Variants in VPS13D observed in about 807,000 individuals in gnomAD.
VPS13D encodes intermembrane lipid transfer protein VPS13D.
Under a neutral mutation model 461.9 loss-of-function variants are expected in VPS13D, and 187 were observed. The ratio of observed to expected loss-of-function variants is 0.40; its 90% CI spans 0.36 to 0.46. The LOEUF (loss-of-function observed/expected upper bound fraction) is 0.46, where lower values mean the gene tolerates loss of function less well. Among genes scored for constraint, VPS13D ranks in the 20% least tolerant of loss-of-function variants. VPS13D has a pLI of 0.60. For synonymous variants in VPS13D, 1,951 were observed against 1,986.3 expected (o/e 0.98, Z 0.47); for missense variants, 4,711 against 5,364.9 (o/e 0.88, Z 3.81).
At chr1:12,319,776 C>T in intron 32 of VPS13D, 146 bp downstream of exon 32, 8 of 1,207,200 alleles carry the variant, frequency 6.6e-6, no homozygotes, top group Non-Finnish European at 9.2e-6. Context: ...TTTGTTTTCT[C>T]CCCAAATCTA....
intron 26 of VPS13D, among the ~76,000 whole-genome samples, chr1:12,307,364 G>A (rs1642596174): frequency 6.6e-6 from 1 of 152,210 alleles, no homozygotes; most frequent in Non-Finnish European, 1.5e-5. Context: ...TTGGCATTTT[G>A]GGGGTAACAA....
At chr1:12,508,356 G>A (rs181502427) in intron 69 of VPS13D, among the ~76,000 whole-genome samples, 2 of 152,198 alleles carry the variant, frequency 1.3e-5, no homozygotes, top group East Asian at 1.9e-4. Context: ...ATGGCCGTGG[G>A]GGGGAGTTCC....
chr1:12,492,418 G>C (rs920892260), intron 67 of VPS13D, among the ~76,000 whole-genome samples: 4 of 152,208 alleles, frequency 2.6e-5, no homozygotes, highest in Non-Finnish European at 5.9e-5. Context: ...TTAAAATTCA[G>C]TCCTTTAGTT....
chr1:12,271,131 G>T lies in VPS13D; in HGVS notation c.2103+7G>T. Reference sequence around the variant, plus strand: ...GCTAGTGGGTGATTTCATTGTAAGTGGGCATCCATAAACACTCTTTGGGGA... The same window carrying T: ...GCTAGTGGGTGATTTCATTGTAAGTTGGCATCCATAAACACTCTTTGGGGA... On this transcript the variant is annotated splice_region_variant and intron_variant, in intron 17 of 69. Coordinates refer to ENST00000620676, the MANE Select transcript of VPS13D (RefSeq NM_015378.4). 1 of 1,613,838 alleles carries T rather than the reference G, an allele frequency of 6.2e-7. No homozygotes were observed. The highest frequency in any genetic ancestry group is 1.7e-5 in the Admixed American group (1 of 59,998).
intron 13 of VPS13D, among the ~76,000 whole-genome samples, chr1:12,263,881 A>C (rs934630277): frequency 6.6e-6 from 1 of 152,196 alleles, no homozygotes; most frequent in African/African-American, 2.4e-5. Flanking sequence ...GGCACACTTG[A>C]TTTTATTGCA....
chr1:12,418,339 C>T (rs1476098473), intron 65 of VPS13D, among the ~76,000 whole-genome samples: 1 of 152,198 alleles, frequency 6.6e-6, no homozygotes, highest in East Asian at 1.9e-4. Context: ...TTACCCCTCA[C>T]GCATCATAAA....
intron 55 of VPS13D, among the ~76,000 whole-genome samples, chr1:12,374,065 A>G (rs1240813522): frequency 6.6e-6 from 1 of 152,226 alleles, no homozygotes; most frequent in Non-Finnish European, 1.5e-5. Flanking sequence ...TGTGATCACC[A>G]GGTGTGATCA....
intron 21 of VPS13D, among the ~76,000 whole-genome samples, chr1:12,285,979 T>A (rs1641958554): frequency 8.7e-6 from 1 of 115,040 alleles, no homozygotes; most frequent in Admixed American, 8.8e-5. Flanking sequence ...TTTCCTTTCC[T>A]TTCCTTTCCT....
intron 67 of VPS13D, among the ~76,000 whole-genome samples, chr1:12,476,320 G>C (rs908537329): frequency 1.3e-5 from 2 of 152,178 alleles, no homozygotes; most frequent in South Asian, 4.1e-4. Context: ...GTCTGTCTTG[G>C]CCCATATTAA....
intron 33 of VPS13D, among the ~76,000 whole-genome samples, 158 bp from the exon 34 acceptor site, chr1:12,322,378 G>A (rs1014012946): frequency 5.3e-5 from 8 of 152,144 alleles, no homozygotes; most frequent in African/African-American, 1.9e-4. Flanking sequence ...ACGGTTATTA[G>A]TGCTTACTTT....
intron 67 of VPS13D, among the ~76,000 whole-genome samples, chr1:12,477,305 G>A (rs1254658109): frequency 6.6e-6 from 1 of 151,932 alleles, no homozygotes; most frequent in East Asian, 1.9e-4. Context: ...TTTTGCTTGG[G>A]CCTTCGTTAG....
chr1:12,398,572 G>T (rs1018412791), intron 60 of VPS13D, among the ~76,000 whole-genome samples: 2 of 152,134 alleles, frequency 1.3e-5, no homozygotes, highest in Non-Finnish European at 2.9e-5. Flanking sequence ...TCCTCTTCCT[G>T]GTGGTGAACT....
chr1:12,504,506 G>C (rs890453410), intron 68 of VPS13D, among the ~76,000 whole-genome samples: 2 of 152,198 alleles, frequency 1.3e-5, no homozygotes, highest in African/African-American at 4.8e-5. Context: ...TTACCTTTCT[G>C]TATGGCCATG....
intron 3 of VPS13D, among the ~76,000 whole-genome samples, chr1:12,244,039 T>G (rs1408010938): frequency 6.6e-6 from 1 of 152,196 alleles, no homozygotes; most frequent in Non-Finnish European, 1.5e-5. Flanking sequence ...TTTTTCCAGC[T>G]TATATAAGTC....
At chr1:12,348,513 A>G (rs1045953473) in intron 44 of VPS13D, among the ~76,000 whole-genome samples, 31 of 152,252 alleles carry the variant, frequency 2.0e-4, no homozygotes, top group Admixed American at 2.0e-3. Context: ...TTATTATCAC[A>G]GTCTCAGGTG....
At chr1:12,252,463 CAG>C (rs1233842189) in intron 6 of VPS13D, among the ~76,000 whole-genome samples, 1 of 152,164 alleles carries the variant, frequency 6.6e-6, no homozygotes, top group African/African-American at 2.4e-5. Context: ...ATTCCACCAA[CAG>C]AGGATCGGAA....
intron 67 of VPS13D, among the ~76,000 whole-genome samples, chr1:12,496,850 G>A (rs1191628922): frequency 6.6e-6 from 1 of 151,782 alleles, no homozygotes; most frequent in East Asian, 1.9e-4. Context: ...CCAGCCTGTG[G>A]CCTGGGCCAG....
chr1:12,414,258 A>C (rs1290747475), intron 63 of VPS13D, among the ~76,000 whole-genome samples: 1 of 152,046 alleles, frequency 6.6e-6, no homozygotes, highest in Admixed American at 6.6e-5. Flanking sequence ...CATTCCAGCC[A>C]GGACAACAGA....
chr1:12,469,201 G>T (rs1043366410), intron 67 of VPS13D, among the ~76,000 whole-genome samples: 1 of 152,108 alleles, frequency 6.6e-6, no homozygotes, highest in Admixed American at 6.5e-5. Flanking sequence ...AGAACAGAGG[G>T]TCTCAAAATA....
Sources: allele counts gnomAD v4.1 joint callset (sites outside exome capture counted in the v4.1 genomes callset), GRCh38; gene constraint gnomAD v4.1.1; transcripts MANE v1.5; gene names NCBI Gene and HGNC (gene_info 2026-07-23, HGNC 2026-07-21).